PPP1R9B: variants seen among roughly 807,000 people sequenced by gnomAD.
PPP1R9B encodes the protein protein phosphatase 1 regulatory subunit 9B, also known as neurabin-2.
PPP1R9B carries 17 observed loss-of-function variants against 75.8 expected under a neutral mutation model. The ratio of observed to expected loss-of-function variants is 0.22; its 90% CI spans 0.15 to 0.34. The LOEUF (loss-of-function observed/expected upper bound fraction) is 0.34. PPP1R9B is among the 10% of genes least tolerant of loss of function. The pLI, the probability that PPP1R9B is intolerant of heterozygous loss-of-function variation, is 1.00. For synonymous variants in PPP1R9B, 509 were observed against 535.4 expected (o/e 0.95, Z 0.68); for missense variants, 875 against 1,196.0 (o/e 0.73, Z 3.96).
In PPP1R9B at chr17:50,139,837, C is replaced by T. The variant is rs1450378747; in HGVS notation, c.1866+256G>A. Among the ~76,000 whole-genome samples, 3 of 152,304 alleles carry T rather than the reference C, an allele frequency of 2.0e-5. No homozygotes were observed. Among genetic ancestry groups the T allele is most frequent in the Middle Eastern group, 6.8e-3 (2 of 294 alleles). On this transcript the variant is annotated intron_variant, in intron 5 of 9. Coordinates refer to ENST00000612501, the MANE Select transcript of PPP1R9B (RefSeq NM_032595.5). This position sits in a 1 kb window ranked among gnomAD's most constrained non-coding sequence, Gnocchi z 5.0. ...GAAGAAACAGCCTGTACTATCTTTC[C>T]CCTTCTGGATCTATCTCCCTTTCAG... is the stretch of plus-strand genomic sequence containing the variant.
rs535189863 is a variant in PPP1R9B, at chr17:50,143,537, C to T, written c.1625+61G>A. On this transcript the variant is annotated intron_variant, in intron 3 of 9. Transcript: ENST00000612501. ...CCACCCCCTGCTCAGTGGCCCACCC[C>T]ACCAAGGATGGCCGGTCGGAGAGGG... 36 of 1,602,868 alleles carry T rather than the reference C, an allele frequency of 2.2e-5. 1 individual carries two copies. The highest frequency in any genetic ancestry group is 1.7e-4 in the Middle Eastern group (1 of 5,846).
intron 1 of PPP1R9B, chr17:50,146,275 G>A (rs1402599734): frequency 6.6e-6 from 1 of 152,288 alleles, no homozygotes; most frequent in Non-Finnish European, 1.5e-5. Context: ...GGAGGTTAAT[G>A]AGCACCATTT....
rs781325486 is a variant in PPP1R9B, at chr17:50,149,132, G to A, written c.1371+11C>T. On this transcript the variant is annotated intron_variant, in intron 1 of 9. Transcript: ENST00000612501. The surrounding 1 kb of genome is among the most constrained non-coding windows in gnomAD (Gnocchi z 7.2). ...GGGCGGCGCGGGGGCAGGGCGGGGG[G>A]GCTCACTTACTTGGATGGGCGCCGT... 1.4e-5 allele frequency: 20 copies of A among 1,428,872 alleles called. No homozygotes were observed. Among genetic ancestry groups the A allele is most frequent in the African/African-American group, 4.4e-5 (3 of 67,960 alleles). The allele number at this position is 1,428,872 out of a possible 1,614,324, so 88.5% of individuals were successfully genotyped here. A position where few individuals can be genotyped will look rare whatever the true frequency, so the allele number is the denominator to read the frequency against.
chr17:50,146,555 C>T (rs976545300), intron 1 of PPP1R9B, among the ~76,000 whole-genome samples: 3 of 152,172 alleles, frequency 2.0e-5, no homozygotes, highest in Non-Finnish European at 4.4e-5. Flanking sequence ...CCACCCCCTA[C>T]CAGAGAGGCT....
In PPP1R9B at chr17:50,149,097, C is replaced by A. The variant is rs1390809676; in HGVS notation, c.1371+46G>T. 3.8e-6 allele frequency: 5 copies of A among 1,321,276 alleles called. No individual in the cohort carries two copies. In the African/African-American group the frequency reaches 7.9e-5, roughly 21 times the overall value. 81.8% of individuals were successfully genotyped at this position (1,321,276 alleles called of 1,614,324 possible). ...GCTGGCGAGCGGGGGCGGCCGCGTG[C>A]ACGTGGCAGGGGCGGCGCGGGGGCA... On this transcript the variant is annotated intron_variant, in intron 1 of 9. Transcript: ENST00000612501. The surrounding 1 kb of genome is among the most constrained non-coding windows in gnomAD (Gnocchi z 7.2).
At position 50,150,247 on chromosome 17, in the gene PPP1R9B, G is replaced by A. The variant is rs1012780510; in HGVS notation, c.267C>T (p.Arg89=). 11 of 1,438,042 alleles carry A rather than the reference G, an allele frequency of 7.6e-6. No individual in the cohort carries two copies. The highest frequency in any genetic ancestry group is 2.8e-5 in the South Asian group (2 of 71,906). 89.1% of individuals were successfully genotyped at this position (1,438,042 alleles called of 1,614,324 possible). A position where few individuals can be genotyped will look rare whatever the true frequency, so the allele number is the denominator to read the frequency against. Residue 89 remains arginine (R), a synonymous_variant, in exon 1 of 10, where the codon CGC becomes CGT. Coordinates refer to ENST00000612501, the MANE Select transcript of PPP1R9B (RefSeq NM_032595.5). The surrounding 1 kb of genome is among the most constrained non-coding windows in gnomAD (Gnocchi z 8.7). ...GLAEAPRASE[R]GVRLSLPRAS... Reference sequence around the variant, plus strand: ...CCCGCGGCAGCGACAGGCGCACGCCGCGCTCGGACGCCCGTGGGGCCTCGG... The same window carrying A: ...CCCGCGGCAGCGACAGGCGCACGCCACGCTCGGACGCCCGTGGGGCCTCGG...
rs367543190 is a variant in PPP1R9B at position 50,149,437 on chromosome 17, T to C, written c.1077A>G (p.Val359=). The change falls in exon 1 of 10, where the codon GTA becomes GTG. Residue 359 remains valine, a synonymous_variant. Transcript: ENST00000612501. The surrounding 1 kb of genome is among the most constrained non-coding windows in gnomAD (Gnocchi z 7.2). ...QAAPEKEAAA[V]APPERGVGNG... ...TGCCCACCCCCCTCTCTGGCGGCGC[T>C]ACCGCCGCCGCCTCCTTCTCCGGGG... is the stretch of plus-strand genomic sequence containing the variant. 3.1e-6 allele frequency: 5 copies of C among 1,606,486 alleles called. No homozygotes were observed. The highest frequency in any genetic ancestry group is 3.4e-5 in the Admixed American group (2 of 59,192).
chr17:50,145,267 C>G, intron 1 of PPP1R9B, 22 bp from the exon 2 acceptor site: 7 of 1,611,956 alleles, frequency 4.3e-6, no homozygotes, highest in Non-Finnish European at 5.9e-6. Context: ...GGCAGCTGGT[C>G]AGAGAGGCCG....
rs76964208 is a variant in PPP1R9B at position 50,145,355 on chromosome 17, T to C, written c.1372-110A>G. ...TTACCCACCCCATGCCTCCCCATGA[T>C]AGCCCTGAGATGAGGCCTCACCCAG... On this transcript the variant is annotated intron_variant, in intron 1 of 9. Transcript: ENST00000612501. 8.2e-3 allele frequency: 11,418 copies of C among 1,395,122 alleles called. 322 individuals carry two copies. The highest frequency in any genetic ancestry group is 0.074 in the African/African-American group (5,246 of 71,100). The allele number at this position is 1,395,122 out of a possible 1,614,324, so 86.4% of individuals were successfully genotyped here.
Position 50,150,037 on chromosome 17 carries a change from T to G in PPP1R9B, c.477A>C (p.Ala159=), listed in dbSNP as rs932890666. Residue 159 remains alanine (A), a synonymous_variant, in exon 1 of 10, where the codon GCA becomes GCC. Transcript: ENST00000612501. This position sits in a 1 kb window ranked among gnomAD's most constrained non-coding sequence, Gnocchi z 8.7. ...GCGCCGCGGCCTCCTTGTCGCCGCC[T>G]GCGGCCGCTGGGGCGCTCCGTTCGA... ...KLFERSAPAA[A]GGDKEAAARR... The G allele has an allele frequency of 6.8e-7, 1 of 1,468,414 alleles. No homozygotes were observed. The highest frequency in any genetic ancestry group is 8.9e-7 in the Non-Finnish European group (1 of 1,119,414). The allele number at this position is 1,468,414 out of a possible 1,614,324, so 91.0% of individuals were successfully genotyped here. A position where few individuals can be genotyped will look rare whatever the true frequency, so the allele number is the denominator to read the frequency against.
chr17:50,150,439 C>T lies in PPP1R9B; in HGVS notation c.75G>A (p.Ala25=), dbSNP rs1031658417. Residue 25 remains alanine, a synonymous_variant, in exon 1 of 10, where the codon GCG becomes GCA. Transcript: ENST00000612501. This position sits in a 1 kb window ranked among gnomAD's most constrained non-coding sequence, Gnocchi z 8.7. Reference sequence around the variant, plus strand: ...CGGGCGGCTTCAGCGCCTGGATGCCCGCCTCGTAGGCGCTGCGGTGCGGGG... The same window carrying T: ...CGGGCGGCTTCAGCGCCTGGATGCCTGCCTCGTAGGCGCTGCGGTGCGGGG... ...SASPHRSAYE[A]GIQALKPPDA... The T allele has an allele frequency of 2.6e-5, 36 of 1,385,988 alleles. No homozygotes were observed. The highest frequency in any genetic ancestry group is 3.3e-5 in the Non-Finnish European group (35 of 1,064,744). 85.9% of individuals were successfully genotyped at this position (1,385,988 alleles called of 1,614,324 possible). A position where few individuals can be genotyped will look rare whatever the true frequency, so the allele number is the denominator to read the frequency against.
rs573665677 is a variant in PPP1R9B at position 50,142,625 on chromosome 17, A to G, written c.1625+973T>C. On this transcript the variant is annotated intron_variant, in intron 3 of 9. Transcript: ENST00000612501. The surrounding 1 kb of genome is among the most constrained non-coding windows in gnomAD (Gnocchi z 4.1). The stretch of plus-strand genomic sequence containing the variant: ...ATGGAGGGGGTCTGGGTTTGGAGGT[A>G]CCACCACAAGAGATCCCCAATGTCA... Among the ~76,000 whole-genome samples the G allele has an allele frequency of 3.3e-5, 5 of 152,088 alleles. No individual in the cohort carries two copies. Among genetic ancestry groups the G allele is most frequent in the African/African-American group, 4.8e-5 (2 of 41,408 alleles).
At chr17:50,135,793 T>C in intron 8 of PPP1R9B, 144 bp from the exon 9 acceptor site, 2 of 891,876 alleles carry the variant, frequency 2.2e-6, no homozygotes. Flanking sequence ...CCAAAGCCTC[T>C]GGGGGTCTGG....
At position 50,149,440 on chromosome 17, in the gene PPP1R9B, C is replaced by G. The variant is rs367543191; in HGVS notation, c.1074G>C (p.Ala358=). The G allele has an allele frequency of 1.3e-5, 21 of 1,606,490 alleles. No individual in the cohort carries two copies. Among genetic ancestry groups the G allele is most frequent in the Non-Finnish European group, 1.7e-5 (20 of 1,177,444 alleles). Residue 358 remains alanine (A), a synonymous_variant, in exon 1 of 10, where the codon GCG becomes GCC. Transcript: ENST00000612501. The surrounding 1 kb of genome is among the most constrained non-coding windows in gnomAD (Gnocchi z 7.2). The part of the protein sequence containing the change: ...AQAAPEKEAA[A]VAPPERGVGN... The stretch of plus-strand genomic sequence containing the variant: ...CCACCCCCCTCTCTGGCGGCGCTAC[C>G]GCCGCCGCCTCCTTCTCCGGGGCCG...
chr17:50,149,851 C>T lies in PPP1R9B; in HGVS notation c.663G>A (p.Arg221=). The T allele has an allele frequency of 6.7e-7, 1 of 1,486,562 alleles. No individual in the cohort carries two copies. The highest frequency in any genetic ancestry group is 1.3e-5 in the South Asian group (1 of 78,778). The allele number at this position is 1,486,562 out of a possible 1,614,324, so 92.1% of individuals were successfully genotyped here. Residue 221 remains arginine (R), a synonymous_variant, in exon 1 of 10, where the codon AGG becomes AGA. Coordinates refer to ENST00000612501, the MANE Select transcript of PPP1R9B (RefSeq NM_032595.5). The surrounding 1 kb of genome is among the most constrained non-coding windows in gnomAD (Gnocchi z 7.2). ...GCCCGGGCCCGCGGTGGAGGCCGGT[C>T]CTCGAGTCGGCCTTCTCGAAGACGG... is the stretch of plus-strand genomic sequence containing the variant. ...LSAVFEKADS[R]TGLHRGPGLP... is the part of the protein sequence containing the mutation.
chr17:50,140,329 G>C, intron 4 of PPP1R9B, 101 bp from the exon 5 acceptor site: 1 of 1,437,702 alleles, frequency 7.0e-7, no homozygotes, highest in Non-Finnish European at 9.3e-7. Context: ...CCCTCCCAGG[G>C]GAGGAGAGAT....
Position 50,139,084 on chromosome 17 carries a change from A to G in PPP1R9B, c.2073+179T>C, listed in dbSNP as rs1912302301. On this transcript the variant is annotated intron_variant, in intron 7 of 9. Coordinates refer to ENST00000612501, the MANE Select transcript of PPP1R9B (RefSeq NM_032595.5). This position sits in a 1 kb window ranked among gnomAD's most constrained non-coding sequence, Gnocchi z 5.0. ...ACAGAGAAGCAAGTGATGCTGGAGC[A>G]GATGGATCCAGAGCTTAAGCTCTTA... 6.6e-6 allele frequency among the ~76,000 whole-genome samples: 1 copy of G among 152,240 alleles called. No individual in the cohort carries two copies. Among genetic ancestry groups the G allele is most frequent in the Admixed American group, 6.5e-5 (1 of 15,284 alleles).
chr17:50,135,737 C>A, intron 8 of PPP1R9B, 88 bp from the exon 9 acceptor site: 1 of 1,172,558 alleles, frequency 8.5e-7, no homozygotes, highest in Non-Finnish European at 1.2e-6. Context: ...TTTACCTGGG[C>A]AACTCTGTCC....
Position 50,149,651 on chromosome 17 carries a change from G to A in PPP1R9B, c.863C>T (p.Pro288Leu), listed in dbSNP as rs1386149231. The change falls in exon 1 of 10, where the codon CCG becomes CTG. Residue 288 changes from proline to leucine, a missense_variant. Pro to Leu is a moderately conservative substitution (Grantham distance 98). Around this residue, in one of 4 missense-constraint regions of PPP1R9B, gnomAD observed 449 missense variants for 475.0 expected, o/e 0.95. Transcript: ENST00000612501. The surrounding 1 kb of genome is among the most constrained non-coding windows in gnomAD (Gnocchi z 7.2). ...GCGCACCTCCCGGGGCTTGGGGGGC[G>A]GCCGGGCAGGGGCCACTCGGTGCTG... Reference protein sequence around the residue: ...PPQHRVAPARPPPKPREVRKI... With the variant: ...PPQHRVAPARLPPKPREVRKI... The A allele has an allele frequency of 2.0e-6, 3 of 1,512,150 alleles. No homozygotes were observed. Among genetic ancestry groups the A allele is most frequent in the African/African-American group, 2.8e-5 (2 of 71,334 alleles). 93.7% of individuals were successfully genotyped at this position (1,512,150 alleles called of 1,614,324 possible). A position where few individuals can be genotyped will look rare whatever the true frequency, so the allele number is the denominator to read the frequency against.
Sources: allele counts gnomAD v4.1 joint callset (sites outside exome capture counted in the v4.1 genomes callset), GRCh38; gene constraint gnomAD v4.1.1; regional missense constraint gnomAD v4.1.1; non-coding constraint Gnocchi (gnomAD v3.1); transcripts MANE v1.5; gene names NCBI Gene and HGNC (gene_info 2026-07-23, HGNC 2026-07-21).